The following ELL variants were observed in gnomAD, a reference collection of about 807,000 sequenced individuals.
ELL encodes the protein elongation factor for RNA polymerase II.
In ELL, 18 loss-of-function variants were observed where a neutral mutation model predicts 64.0. The observed-to-expected ratio is 0.28, with a 90% confidence interval of 0.19 to 0.42. The LOEUF is 0.42. Among genes scored for constraint, ELL ranks in the 10% least tolerant of loss-of-function variants. The pLI is 1.00. For missense variants in ELL, 797 were observed against 870.4 expected, an observed-to-expected ratio of 0.92 and a Z score of 1.06; for synonymous variants, 399 against 376.2, an observed-to-expected ratio of 1.06 and a Z score of -0.70.
At chr19:18,444,997 G>C in intron 11 of ELL, 129 bp from the exon 12 acceptor site, 1 of 1,141,542 alleles carries the variant, frequency 8.8e-7, no homozygotes, top group Non-Finnish European at 1.3e-6. Context: ...TGTGGTCCAA[G>C]GGCAGAGTGG....
chr19:18,446,935 T>C (rs1432250994), intron 8 of ELL, 121 bp from the exon 9 acceptor site: 5 of 1,065,692 alleles, frequency 4.7e-6, no homozygotes, highest in African/African-American at 3.1e-5. Context: ...CATAGAGGGA[T>C]AGCAGAGGGG....
chr19:18,462,685 G>A (rs1308510741), intron 4 of ELL, among the ~76,000 whole-genome samples: 1 of 152,152 alleles, frequency 6.6e-6, no homozygotes, highest in Non-Finnish European at 1.5e-5. Context: ...CCCAACCTGA[G>A]GCAGGGGCTG....
chr19:18,467,539 C>T (rs1974964681), intron 2 of ELL, among the ~76,000 whole-genome samples: 1 of 151,884 alleles, frequency 6.6e-6, no homozygotes, highest in Non-Finnish European at 1.5e-5. Flanking sequence ...CAGAAACGGC[C>T]TGCACTCAGC....
intron 5 of ELL, among the ~76,000 whole-genome samples, chr19:18,460,751 T>G (rs963453198): frequency 6.6e-6 from 1 of 152,232 alleles, no homozygotes; most frequent in African/African-American, 2.4e-5. Flanking sequence ...CCTGAGGTGC[T>G]GGATGTGACC....
At chr19:18,453,707 A>G (rs1974591069) in intron 6 of ELL, among the ~76,000 whole-genome samples, 1 of 152,188 alleles carries the variant, frequency 6.6e-6, no homozygotes, top group South Asian at 2.1e-4. Context: ...ACAAGAGCAC[A>G]ACACCATGCC....
intron 1 of ELL, among the ~76,000 whole-genome samples, chr19:18,485,848 T>A (rs1431484348): frequency 6.6e-6 from 1 of 151,810 alleles, no homozygotes; most frequent in Non-Finnish European, 1.5e-5. Flanking sequence ...TAGCCGGGCG[T>A]GGTAGCACAC....
intron 1 of ELL, among the ~76,000 whole-genome samples, chr19:18,498,786 C>T (rs1345265471): frequency 6.6e-6 from 1 of 152,116 alleles, no homozygotes; most frequent in East Asian, 1.9e-4. Context: ...CCTGTCTCTA[C>T]TAAAAATACA....
intron 2 of ELL, among the ~76,000 whole-genome samples, chr19:18,466,160 T>C (rs1399406471): frequency 6.6e-6 from 1 of 152,004 alleles, no homozygotes; most frequent in East Asian, 1.9e-4. Context: ...CAGGGGCCGT[T>C]TTCAGCAGCA....
intron 1 of ELL, among the ~76,000 whole-genome samples, chr19:18,483,908 G>A (rs1975358633): frequency 6.6e-6 from 1 of 152,184 alleles, no homozygotes; most frequent in Non-Finnish European, 1.5e-5. Context: ...CCAGGACAGT[G>A]CATCTCAGAG....
rs1974484957 is a variant in ELL, at chr19:18,449,853, G to A, written c.1465+624C>T. Among the ~76,000 whole-genome samples, 1 of 152,200 alleles carries A rather than the reference G, an allele frequency of 6.6e-6. No individual in the cohort carries two copies. Among genetic ancestry groups the A allele is most frequent in the Non-Finnish European group, 1.5e-5 (1 of 68,018 alleles). ...CTCATGGCCACGGTGCTAGGCGGGT[G>A]CTACTGCTGCTCAGTTTAGGTGCCT... On this transcript the variant is annotated intron_variant, in intron 8 of 11. Coordinates refer to ENST00000262809, the MANE Select transcript of ELL (RefSeq NM_006532.4). This position sits in a 1 kb window ranked among gnomAD's most constrained non-coding sequence, Gnocchi z 4.4.
chr19:18,465,310 T>C (rs2144919548), intron 4 of ELL, 102 bp downstream of exon 4: 1 of 1,440,880 alleles, frequency 6.9e-7, no homozygotes, highest in South Asian at 1.4e-5. Context: ...CCATCATTTC[T>C]GTGCAGGGCA....
At chr19:18,479,312 A>G (rs1975244435) in intron 1 of ELL, among the ~76,000 whole-genome samples, 1 of 152,206 alleles carries the variant, frequency 6.6e-6, no homozygotes, top group South Asian at 2.1e-4. Flanking sequence ...TGCCACGGGA[A>G]GCGACCATCA....
chr19:18,504,247 G>C (rs550396589), intron 1 of ELL, among the ~76,000 whole-genome samples: 2 of 152,344 alleles, frequency 1.3e-5, no homozygotes, highest in South Asian at 2.1e-4. Flanking sequence ...AAGGGCATCT[G>C]TCAGCCATCT....
chr19:18,468,696 C>A (rs1975002735), intron 2 of ELL, among the ~76,000 whole-genome samples: 1 of 152,230 alleles, frequency 6.6e-6, no homozygotes, highest in Admixed American at 6.5e-5. Flanking sequence ...TGGCCTGAGG[C>A]CCAAGTTGCC....
chr19:18,505,715 G>T (rs1283727700), intron 1 of ELL, among the ~76,000 whole-genome samples: 1 of 152,118 alleles, frequency 6.6e-6, no homozygotes, highest in African/African-American at 2.4e-5. Context: ...AGGAGTGGGG[G>T]CCACGGGATG....
At chr19:18,519,398 G>C (rs1470603185) in intron 1 of ELL, among the ~76,000 whole-genome samples, 1 of 152,198 alleles carries the variant, frequency 6.6e-6, no homozygotes, top group Admixed American at 6.5e-5. Context: ...ACACAATCAA[G>C]TTCTTCAAGC....
At chr19:18,445,087 G>C in intron 11 of ELL, 137 bp downstream of exon 11, 1 of 1,291,526 alleles carries the variant, frequency 7.7e-7, no homozygotes, top group Non-Finnish European at 1.1e-6. Context: ...GGGTGGTGGG[G>C]CAACTTTGGC....
At chr19:18,489,582 C>G (rs1204397711) in intron 1 of ELL, among the ~76,000 whole-genome samples, 1 of 152,160 alleles carries the variant, frequency 6.6e-6, no homozygotes, top group African/African-American at 2.4e-5. Flanking sequence ...TGGATCACTC[C>G]CTGCACACCC....
intron 4 of ELL, among the ~76,000 whole-genome samples, chr19:18,464,600 C>T (rs1379954386): frequency 6.6e-6 from 1 of 152,190 alleles, no homozygotes; most frequent in Non-Finnish European, 1.5e-5. Flanking sequence ...AAATCACGTG[C>T]TTTCTTCGGA....
Sources: gnomAD v4.1 joint callset for allele counts (sites outside exome capture counted in the v4.1 genomes callset) on GRCh38, gnomAD v4.1.1 for gene constraint, Gnocchi (gnomAD v3.1) non-coding constraint, MANE v1.5 for transcripts, NCBI Gene and HGNC (gene_info 2026-07-23, HGNC 2026-07-21) for gene names.